The following GALNT18 variants were observed in gnomAD, a reference collection of about 807,000 sequenced individuals.
GALNT18 encodes GalNAc-transferase 18.
Under a neutral mutation model 69.5 loss-of-function variants are expected in GALNT18, and 44 were observed. The observed-to-expected ratio is 0.63, with a 90% CI of 0.50 to 0.81. The LOEUF is 0.81. GALNT18 is among the 40% of genes least tolerant of loss of function. GALNT18 has a pLI of 0.00. For missense variants in GALNT18, 715 were observed against 810.0 expected (o/e 0.88, Z 1.42); for synonymous variants, 364 against 318.2 (o/e 1.14, Z -1.53).
chr11:11,395,904 T>C (rs534490266), intron 3 of GALNT18, among the ~76,000 whole-genome samples: 2 of 152,070 alleles, frequency 1.3e-5, no homozygotes, highest in East Asian at 1.9e-4. Flanking sequence ...GATGCAAATG[T>C]CAACTAATTA....
chr11:11,338,411 A>G lies in GALNT18; in HGVS notation c.1278+2408T>C, dbSNP rs766799546. Among the ~76,000 whole-genome samples the G allele has an allele frequency of 6.6e-6, 1 of 151,888 alleles. No individual in the cohort carries two copies. The highest frequency in any genetic ancestry group is 1.5e-5 in the Non-Finnish European group (1 of 67,890). ...TGAAGCTTGTGGCAGAGAAAAAAAC[A>G]GGGCCTGAATGCAGACATGAGGGGA... On this transcript the variant is annotated intron_variant, in intron 7 of 10. Coordinates refer to ENST00000227756, the MANE Select transcript of GALNT18 (RefSeq NM_198516.3). The surrounding 1 kb of genome is among the most constrained non-coding windows in gnomAD (Gnocchi z 5.3).
chr11:11,551,496 C>A (rs1276223695), intron 1 of GALNT18, among the ~76,000 whole-genome samples: 1 of 152,156 alleles, frequency 6.6e-6, no homozygotes, highest in Non-Finnish European at 1.5e-5. Flanking sequence ...AGAACTTTGG[C>A]ATCTTTGAGC....
In GALNT18 at chr11:11,480,617, C is replaced by A. The variant is rs2133868420; in HGVS notation, c.236-31681G>T. Among the ~76,000 whole-genome samples the A allele has an allele frequency of 6.6e-6, 1 of 152,320 alleles. No individual in the cohort carries two copies. Among genetic ancestry groups the A allele is most frequent in the African/African-American group, 2.4e-5 (1 of 41,570 alleles). ...CCAGTACTGGTTTTGAGATCTGATT[C>A]TGTAATGCAGTGGCACCTTCCTACT... On this transcript the variant is annotated intron_variant, in intron 1 of 10. Coordinates refer to ENST00000227756, the MANE Select transcript of GALNT18 (RefSeq NM_198516.3). This position sits in a 1 kb window ranked among gnomAD's most constrained non-coding sequence, Gnocchi z 4.6.
chr11:11,506,232 T>G (rs558322974), intron 1 of GALNT18, among the ~76,000 whole-genome samples: 2 of 152,350 alleles, frequency 1.3e-5, no homozygotes, highest in Non-Finnish European at 2.9e-5. Flanking sequence ...AACCAATACA[T>G]GCATACACAC....
rs748525694 is a variant in GALNT18, at chr11:11,582,234, C to T, written c.235+39125G>A. 1.8e-4 allele frequency among the ~76,000 whole-genome samples: 27 copies of T among 152,150 alleles called. No individual in the cohort carries two copies. Among genetic ancestry groups the T allele is most frequent in the Non-Finnish European group, 1.6e-4 (11 of 68,032 alleles). On this transcript the variant is annotated intron_variant, in intron 1 of 10. Coordinates refer to ENST00000227756, the MANE Select transcript of GALNT18 (RefSeq NM_198516.3). This position sits in a 1 kb window ranked among gnomAD's most constrained non-coding sequence, Gnocchi z 5.0. Reference sequence around the variant, plus strand: ...ACAAAGCTGATGTGTTTGAGAACAGCACAAGCTGATGGGTCAGAGCAGAAT... The same window carrying T: ...ACAAAGCTGATGTGTTTGAGAACAGTACAAGCTGATGGGTCAGAGCAGAAT...
intron 1 of GALNT18, among the ~76,000 whole-genome samples, chr11:11,558,991 A>C (rs1858398463): frequency 6.6e-6 from 1 of 152,094 alleles, no homozygotes; most frequent in South Asian, 2.1e-4. Flanking sequence ...TCCAGCCCCA[A>C]CTCAACCACT....
At chr11:11,486,321 C>A (rs1856644684) in intron 1 of GALNT18, among the ~76,000 whole-genome samples, 2 of 152,112 alleles carry the variant, frequency 1.3e-5, no homozygotes, top group Admixed American at 1.3e-4. Flanking sequence ...TCAGGACTAT[C>A]CCCATCTTAG....
chr11:11,281,306 C>T (rs557958422), intron 10 of GALNT18, among the ~76,000 whole-genome samples: 1 of 152,326 alleles, frequency 6.6e-6, no homozygotes, highest in Admixed American at 6.5e-5. Flanking sequence ...TGTCTGCAGG[C>T]CCAAATGGTC....
chr11:11,305,668 C>T (rs941823169), intron 9 of GALNT18, among the ~76,000 whole-genome samples: 1 of 152,108 alleles, frequency 6.6e-6, no homozygotes, highest in African/African-American at 2.4e-5. Flanking sequence ...ATGCTGCCAA[C>T]CTCCGAGGAT....
intron 10 of GALNT18, among the ~76,000 whole-genome samples, chr11:11,273,840 C>A (rs1409073272): frequency 6.6e-6 from 1 of 152,104 alleles, no homozygotes; most frequent in Admixed American, 6.6e-5. Flanking sequence ...GGTATATACA[C>A]AGGATGGAAT....
At position 11,469,840 on chromosome 11, in the gene GALNT18, C is replaced by T. The variant is rs1405080881; in HGVS notation, c.236-20904G>A. ...ACATGGGGCCTTTTCCAAGGACCCC[C>T]TCAGCCTGTCTTCCACTCAGCTCCA... On this transcript the variant is annotated intron_variant, in intron 1 of 10. Transcript: ENST00000227756. The surrounding 1 kb of genome is among the most constrained non-coding windows in gnomAD (Gnocchi z 4.2). 1.3e-5 allele frequency among the ~76,000 whole-genome samples: 2 copies of T among 152,132 alleles called. No individual in the cohort carries two copies. The highest frequency in any genetic ancestry group is 1.9e-4 in the East Asian group (1 of 5,188).
chr11:11,385,617 T>G (rs1358878787), intron 3 of GALNT18, among the ~76,000 whole-genome samples: 1 of 152,078 alleles, frequency 6.6e-6, no homozygotes, highest in Non-Finnish European at 1.5e-5. Context: ...AATTTTAACA[T>G]GAGATTTGGT....
At position 11,605,219 on chromosome 11, in the gene GALNT18, A is replaced by T. The variant is rs1003392315; in HGVS notation, c.235+16140T>A. On this transcript the variant is annotated intron_variant, in intron 1 of 10. Coordinates refer to ENST00000227756, the MANE Select transcript of GALNT18 (RefSeq NM_198516.3). The surrounding 1 kb of genome is among the most constrained non-coding windows in gnomAD (Gnocchi z 4.7). Reference sequence around the variant, plus strand: ...TCTGTGGTGCCAAACTCAGACCCACACTCATGGGTGGGTGATTCCCCAGGT... The same window carrying T: ...TCTGTGGTGCCAAACTCAGACCCACTCTCATGGGTGGGTGATTCCCCAGGT... Among the ~76,000 whole-genome samples, 4 of 152,090 alleles carry T rather than the reference A, an allele frequency of 2.6e-5. No individual in the cohort carries two copies. Among genetic ancestry groups the T allele is most frequent in the African/African-American group, 9.7e-5 (4 of 41,410 alleles).
chr11:11,438,360 G>A (rs1397586812), intron 2 of GALNT18, among the ~76,000 whole-genome samples: 1 of 152,186 alleles, frequency 6.6e-6, no homozygotes, highest in East Asian at 1.9e-4. Flanking sequence ...CATAGCCTCT[G>A]GGGCTAAGAG....
intron 2 of GALNT18, among the ~76,000 whole-genome samples, chr11:11,437,916 G>A (rs937464282): frequency 4.6e-5 from 7 of 152,240 alleles, no homozygotes; most frequent in East Asian, 3.9e-4. Context: ...CAAGTGAGAC[G>A]GTGGCACTCC....
intron 1 of GALNT18, among the ~76,000 whole-genome samples, chr11:11,531,230 G>C (rs146908173): frequency 7.0e-4 from 106 of 152,288 alleles, no homozygotes; most frequent in Middle Eastern, 3.4e-3. Flanking sequence ...AGCAACTGAG[G>C]CAGCACAGTA....
intron 3 of GALNT18, among the ~76,000 whole-genome samples, chr11:11,408,980 C>T (rs771628838): frequency 2.6e-5 from 4 of 152,204 alleles, no homozygotes; most frequent in Non-Finnish European, 5.9e-5. Flanking sequence ...CACATATGTG[C>T]GTCCTAATCA....
At chr11:11,535,850 G>T (rs998615354) in intron 1 of GALNT18, among the ~76,000 whole-genome samples, 1 of 152,158 alleles carries the variant, frequency 6.6e-6, no homozygotes, top group South Asian at 2.1e-4. Context: ...CCTGCTCCCT[G>T]GGGCCTCACA....
intron 3 of GALNT18, among the ~76,000 whole-genome samples, chr11:11,429,089 G>A (rs1479670137): frequency 1.3e-5 from 2 of 152,038 alleles, no homozygotes; most frequent in Non-Finnish European, 2.9e-5. Context: ...ATCTGGCTTC[G>A]ACAGCCCCCA....
Sources: gnomAD v4.1 joint callset for allele counts (sites outside exome capture counted in the v4.1 genomes callset) on GRCh38, gnomAD v4.1.1 for gene constraint, Gnocchi (gnomAD v3.1) non-coding constraint, MANE v1.5 for transcripts, NCBI Gene and HGNC (gene_info 2026-07-23, HGNC 2026-07-21) for gene names.